PCDHGA4: variants seen among roughly 807,000 people sequenced by gnomAD.
PCDHGA4 encodes protocadherin gamma-A4.
In PCDHGA4, 38 loss-of-function variants were observed where a neutral mutation model predicts 54.6. The ratio of observed to expected loss-of-function variants is 0.70; its 90% CI spans 0.54 to 0.91. The LOEUF is 0.91. PCDHGA4 is among the 40% of genes least tolerant of loss of function. The pLI is 0.00. For missense variants in PCDHGA4, 1,298 were observed against 1,220.9 expected (o/e 1.06, Z -0.94); for synonymous variants, 511 against 512.9 (o/e 1.00, Z 0.05).
In PCDHGA4 at chr5:141,489,375, G is replaced by A. The variant is rs768190252; in HGVS notation, c.2515-5432G>A. The A allele has an allele frequency of 1.2e-5, 19 of 1,613,826 alleles. No individual in the cohort carries two copies. The Admixed American group carries it at 3.2e-4, about 27-fold the overall frequency. ...AGGAGTCTGAGCCGGGGACGCTGGT[G>A]GGGAATGTTGCTCAGGATCTGGGCT... On this transcript the variant is annotated intron_variant, in intron 1 of 3. Transcript: ENST00000571252. The surrounding 1 kb of genome is among the most constrained non-coding windows in gnomAD (Gnocchi z 4.5).
chr5:141,486,168 A>C lies in PCDHGA4; in HGVS notation c.2515-8639A>C, dbSNP rs774913463. 6.2e-7 allele frequency: 1 copy of C among 1,614,196 alleles called. No homozygotes were observed. Among genetic ancestry groups the C allele is most frequent in the South Asian group, 1.1e-5 (1 of 91,084 alleles). On this transcript the variant is annotated intron_variant, in intron 1 of 3. Transcript: ENST00000571252. The surrounding 1 kb of genome is among the most constrained non-coding windows in gnomAD (Gnocchi z 5.0). ...GATGGGGGTTCTCCAGCCATGGAGC[A>C]ACATTGCAGCCTTCGAGTGGATCTG...
At chr5:141,418,316 A>G in intron 1 of PCDHGA4, 1 of 1,614,026 alleles carries the variant, frequency 6.2e-7, no homozygotes, top group Non-Finnish European at 8.5e-7. Context: ...GATGGGAACA[A>G]TTCTTGAGTC....
At chr5:141,388,513 T>A in intron 1 of PCDHGA4, 2 of 1,613,840 alleles carry the variant, frequency 1.2e-6, no homozygotes, top group Non-Finnish European at 1.7e-6. Context: ...TCCTACCACT[T>A]GACTTTGACT....
intron 1 of PCDHGA4, among the ~76,000 whole-genome samples, chr5:141,363,702 G>T (rs185509758): frequency 3.9e-5 from 6 of 152,286 alleles, no homozygotes; most frequent in African/African-American, 1.4e-4. Context: ...AAATCAGTAG[G>T]CCTGTTTGGA....
In PCDHGA4 at chr5:141,432,908, C is replaced by T. The variant is rs757934634; in HGVS notation, c.2515-61899C>T. On this transcript the variant is annotated intron_variant, in intron 1 of 3. Transcript: ENST00000571252. This position sits in a 1 kb window ranked among gnomAD's most constrained non-coding sequence, Gnocchi z 6.0. Reference sequence around the variant, plus strand: ...CATCTTGCTGCTGGCGCTCAGGCTGCGGCGCTGGCACAAGTCACGCCTGCT... The same window carrying T: ...CATCTTGCTGCTGGCGCTCAGGCTGTGGCGCTGGCACAAGTCACGCCTGCT... 3.7e-5 allele frequency: 60 copies of T among 1,614,050 alleles called. No individual in the cohort carries two copies. Among genetic ancestry groups the T allele is most frequent in the Middle Eastern group, 3.3e-4 (2 of 6,082 alleles).
intron 1 of PCDHGA4, chr5:141,371,832 G>T (rs765040359): frequency 6.2e-7 from 1 of 1,613,780 alleles, no homozygotes. Flanking sequence ...CTCGGATCCC[G>T]ACTTGGGACC....
intron 2 of PCDHGA4, among the ~76,000 whole-genome samples, chr5:141,501,279 A>T (rs1180397181): frequency 3.0e-5 from 4 of 135,444 alleles, no homozygotes. Context: ...AGTCTATGGG[A>T]TATTCCCTTA....
At chr5:141,409,067 A>G (rs2095219315) in intron 1 of PCDHGA4, 2 of 1,614,034 alleles carry the variant, frequency 1.2e-6, no homozygotes, top group South Asian at 2.2e-5. Context: ...CCAGAGCACA[A>G]AACATATGTT....
intron 1 of PCDHGA4, chr5:141,377,764 T>C (rs1774337022): frequency 6.6e-6 from 1 of 152,240 alleles, no homozygotes; most frequent in Non-Finnish European, 1.5e-5. Context: ...CACCAGATCT[T>C]TGGTGTTAAA....
At position 141,423,462 on chromosome 5, in the gene PCDHGA4, C is replaced by A. The variant is rs371118964; in HGVS notation, c.2514+65841C>A. ...CCACGTCACATTTTGTAGGCGTGGA[C>A]GGGGTACAGGCTTTCCTGCAAACCT... On this transcript the variant is annotated intron_variant, in intron 1 of 3. Transcript: ENST00000571252. 8.1e-6 allele frequency: 13 copies of A among 1,613,808 alleles called. No homozygotes were observed. The African/African-American group carries it at 1.7e-4, about 22-fold the overall frequency.
chr5:141,409,725 G>A (rs1416188591), intron 1 of PCDHGA4: 1 of 1,613,172 alleles, frequency 6.2e-7, no homozygotes, highest in Non-Finnish European at 8.5e-7. Context: ...GTGTCAGTGA[G>A]CGCGCAGAGC....
chr5:141,487,533 T>C lies in PCDHGA4; in HGVS notation c.2515-7274T>C. On this transcript the variant is annotated intron_variant, in intron 1 of 3. Coordinates refer to ENST00000571252, the MANE Select transcript of PCDHGA4 (RefSeq NM_018917.4). This position sits in a 1 kb window ranked among gnomAD's most constrained non-coding sequence, Gnocchi z 5.0. The stretch of plus-strand genomic sequence containing the variant: ...CCCACTCGGAGTGATAGCTTCATGA[T>C]GGTGAAGTCACCCAGTGCACCTATG... 6.2e-7 allele frequency: 1 copy of C among 1,614,186 alleles called. No individual in the cohort carries two copies. Among genetic ancestry groups the C allele is most frequent in the South Asian group, 1.1e-5 (1 of 91,080 alleles).
chr5:141,507,754 C>T (rs1488474557), intron 3 of PCDHGA4, among the ~76,000 whole-genome samples: 7 of 152,242 alleles, frequency 4.6e-5, no homozygotes, highest in Admixed American at 2.0e-4. Flanking sequence ...GTCAAGGCCT[C>T]CCACCTTTGG....
At chr5:141,479,651 C>CAAA (rs931031810) in intron 1 of PCDHGA4, 2 of 152,124 alleles carry the variant, frequency 1.3e-5, no homozygotes, top group African/African-American at 2.4e-5. Flanking sequence ...ACAACAACAA[C>CAAA]AATCCCAGAA....
At position 141,432,015 on chromosome 5, in the gene PCDHGA4, A is replaced by G. The variant is rs745405194; in HGVS notation, c.2515-62792A>G. 6.2e-7 allele frequency: 1 copy of G among 1,614,196 alleles called. No individual in the cohort carries two copies. Among genetic ancestry groups the G allele is most frequent in the Admixed American group, 1.7e-5 (1 of 60,032 alleles). On this transcript the variant is annotated intron_variant, in intron 1 of 3. Coordinates refer to ENST00000571252, the MANE Select transcript of PCDHGA4 (RefSeq NM_018917.4). The surrounding 1 kb of genome is among the most constrained non-coding windows in gnomAD (Gnocchi z 6.0). ...GATAGGGAACAGGTTCCTAGCTACA[A>G]CATCACAGTGACCGCCACTGACCGG...
chr5:141,431,002 C>A lies in PCDHGA4; in HGVS notation c.2515-63805C>A, dbSNP rs1055964066. The A allele has an allele frequency of 6.2e-7, 1 of 1,613,836 alleles. No individual in the cohort carries two copies. Among genetic ancestry groups the A allele is most frequent in the Admixed American group, 1.7e-5 (1 of 59,990 alleles). The stretch of plus-strand genomic sequence containing the variant: ...AGCTTTTCGCCCTGAATCCGCGCAG[C>A]GGCAGCTTGGTCACGGCGGGCAGGA... On this transcript the variant is annotated intron_variant, in intron 1 of 3. Transcript: ENST00000571252. The surrounding 1 kb of genome is among the most constrained non-coding windows in gnomAD (Gnocchi z 4.8).
chr5:141,369,052 A>G (rs1386795265), intron 1 of PCDHGA4, among the ~76,000 whole-genome samples: 2 of 152,180 alleles, frequency 1.3e-5, no homozygotes. Flanking sequence ...ACAATACATT[A>G]TGTAGGCTAA....
In PCDHGA4 at chr5:141,403,638, A is replaced by G. The variant is rs373036061; in HGVS notation, c.2514+46017A>G. On this transcript the variant is annotated intron_variant, in intron 1 of 3. Coordinates refer to ENST00000571252, the MANE Select transcript of PCDHGA4 (RefSeq NM_018917.4). ...CGTCGCTCCAGCACAGTGCGCATCCATGTGACAGTGTTGGATACAAATGAT... is the reference window on the plus strand; with the variant it reads ...CGTCGCTCCAGCACAGTGCGCATCCGTGTGACAGTGTTGGATACAAATGAT... The G allele has an allele frequency of 1.5e-5, 25 of 1,613,906 alleles. No individual in the cohort carries two copies. The East Asian group carries it at 4.5e-4, about 29-fold the overall frequency.
intron 1 of PCDHGA4, chr5:141,379,532 T>C (rs547960333): frequency 7.9e-5 from 12 of 152,376 alleles, no homozygotes; most frequent in African/African-American, 2.9e-4. Context: ...TTTGTTGTTA[T>C]AGGGAAAGCT....
Sources: gnomAD v4.1 joint callset for allele counts (sites outside exome capture counted in the v4.1 genomes callset) on GRCh38, gnomAD v4.1.1 for gene constraint, Gnocchi (gnomAD v3.1) non-coding constraint, MANE v1.5 for transcripts, NCBI Gene and HGNC (gene_info 2026-07-23, HGNC 2026-07-21) for gene names.